Variants in TUT4 observed in about 807,000 individuals in gnomAD.
TUT4 encodes the protein terminal uridylyl transferase 4.
Under a neutral mutation model 192.2 loss-of-function variants are expected in TUT4, and 36 were observed. The ratio of observed to expected loss-of-function variants is 0.19; its 90% CI spans 0.14 to 0.25. The LOEUF is 0.25. Ranked by LOEUF, TUT4 falls within the 10% of genes least tolerant of loss-of-function variation. TUT4 has a pLI of 1.00. For missense variants in TUT4, 1,493 were observed against 1,957.2 expected, an observed-to-expected ratio of 0.76 and a Z score of 4.47; for synonymous variants, 618 against 666.0, an observed-to-expected ratio of 0.93 and a Z score of 1.11.
At chr1:52,494,597 C>T (rs1197131580) in intron 6 of TUT4, among the ~76,000 whole-genome samples, 6 of 152,166 alleles carry the variant, frequency 3.9e-5, no homozygotes, top group African/African-American at 1.4e-4. Flanking sequence ...GAGGCTGAGA[C>T]AGGAGAATCG....
intron 15 of TUT4, among the ~76,000 whole-genome samples, chr1:52,466,997 T>C (rs965208149): frequency 4.0e-5 from 6 of 151,828 alleles, no homozygotes; most frequent in African/African-American, 1.5e-4. Flanking sequence ...AAAAATAAAT[T>C]AGCTAAGCAT....
At chr1:52,435,312 A>ATT (rs1440777952) in intron 27 of TUT4, 53 bp downstream of exon 27, 1 of 1,431,406 alleles carries the variant, frequency 7.0e-7, no homozygotes, top group African/African-American at 1.4e-5. Context: ...TCACCCATTA[A>ATT]AGATACTGCT....
intron 2 of TUT4, among the ~76,000 whole-genome samples, chr1:52,522,065 G>A (rs1033567011): frequency 1.5e-5 from 2 of 132,902 alleles, no homozygotes; most frequent in African/African-American, 7.7e-5. Context: ...TATTAATTTG[G>A]ATGTTTTCAT....
In TUT4 at chr1:52,537,158, C is replaced by T. The variant is rs1442997256; in HGVS notation, c.-93-10785G>A. ...AGCCTGGGCAATAATAGTGAAACTC[C>T]ATCTCAAAATAAATAAATAAATAAA... On this transcript the variant is annotated intron_variant, in intron 1 of 29. Coordinates refer to ENST00000257177, the MANE Select transcript of TUT4 (RefSeq NM_001009881.3). Among the ~76,000 whole-genome samples the T allele has an allele frequency of 2.0e-5, 3 of 151,934 alleles. No individual in the cohort carries two copies. The East Asian group carries it at 5.8e-4, about 29-fold the overall frequency.
At chr1:52,429,602 A>AC (rs1553154514) in intron 28 of TUT4, among the ~76,000 whole-genome samples, 1 of 147,040 alleles carries the variant, frequency 6.8e-6, no homozygotes, top group Non-Finnish European at 1.5e-5. Context: ...TTATTTATTT[A>AC]TTTTTTTTTG....
Position 52,425,489 on chromosome 1 carries a change from A to G in TUT4, c.4730T>C (p.Leu1577Pro). Residue 1577 changes from leucine (L) to proline (P), a missense_variant, in exon 29 of 30, where the codon CTG (leucine) becomes CCG (proline). By Grantham distance (98) the Leu-to-Pro change is moderately conservative. Coordinates refer to ENST00000257177, the MANE Select transcript of TUT4 (RefSeq NM_001009881.3). ...ATGTTCCCAAGGAATTGGAGGAGTC[A>G]GTCCTCGAAAGCCTGGCTCTGCATT... ...VGNSEPGFRG[L>P]TPPIPWEHAP... The G allele has an allele frequency of 6.2e-7, 1 of 1,612,286 alleles. No homozygotes were observed. The highest frequency in any genetic ancestry group is 8.5e-7 in the Non-Finnish European group (1 of 1,179,270).
At chr1:52,467,615 C>G (rs967147794) in intron 15 of TUT4, among the ~76,000 whole-genome samples, 1 of 152,146 alleles carries the variant, frequency 6.6e-6, no homozygotes, top group African/African-American at 2.4e-5. Flanking sequence ...AACTAAAAAT[C>G]CTCTAAAAGA....
chr1:52,514,449 AAAC>A (rs1237961571), intron 3 of TUT4, among the ~76,000 whole-genome samples: 4 of 152,186 alleles, frequency 2.6e-5, no homozygotes, highest in Non-Finnish European at 5.9e-5. Flanking sequence ...TCAAAAAACA[AAAC>A]AAAACAAAAA....
intron 4 of TUT4, among the ~76,000 whole-genome samples, chr1:52,505,307 A>G (rs1675230791): frequency 6.6e-6 from 1 of 151,544 alleles, no homozygotes; most frequent in Non-Finnish European, 1.5e-5. Context: ...GCCCAGGCTG[A>G]TCTCAAACTC....
intron 16 of TUT4, chr1:52,462,218 C>T (rs1358398090): frequency 7.6e-6 from 1 of 131,360 alleles, no homozygotes; most frequent in Non-Finnish European, 1.5e-5. Flanking sequence ...CGGAGTCTTG[C>T]TCTTTCGCCC....
At chr1:52,426,413 G>A (rs1649955310) in intron 28 of TUT4, among the ~76,000 whole-genome samples, 1 of 152,204 alleles carries the variant, frequency 6.6e-6, no homozygotes, top group South Asian at 2.1e-4. Context: ...TCGAAGTGCA[G>A]TACCCAGTTT....
intron 2 of TUT4, among the ~76,000 whole-genome samples, chr1:52,524,931 T>C (rs959800120): frequency 6.6e-6 from 1 of 152,226 alleles, no homozygotes; most frequent in South Asian, 2.1e-4. Flanking sequence ...TCTTTTGCCG[T>C]TCTCAACCTC....
chr1:52,465,014 A>G, intron 16 of TUT4, 56 bp downstream of exon 16: 1 of 1,363,172 alleles, frequency 7.3e-7, no homozygotes, highest in Non-Finnish European at 1.0e-6. Flanking sequence ...AAAAATAAAC[A>G]TAGAATCGTC....
At chr1:52,513,651 T>C (rs1338146367) in intron 3 of TUT4, among the ~76,000 whole-genome samples, 3 of 152,196 alleles carry the variant, frequency 2.0e-5, no homozygotes, top group Admixed American at 1.3e-4. Context: ...CAGGCCATTT[T>C]TCCTACTACC....
chr1:52,474,787 C>T, intron 13 of TUT4, 45 bp downstream of exon 13: 1 of 1,488,796 alleles, frequency 6.7e-7, no homozygotes, highest in Non-Finnish European at 9.0e-7. Context: ...CATAGTCATA[C>T]AACAACCACA....
chr1:52,505,005 A>G (rs1195867718), intron 4 of TUT4, among the ~76,000 whole-genome samples: 1 of 152,220 alleles, frequency 6.6e-6, no homozygotes, highest in Non-Finnish European at 1.5e-5. Flanking sequence ...TTGCTTCCAC[A>G]TACTAGCTAT....
At chr1:52,445,009 G>GTA (rs1282709474) in intron 24 of TUT4, among the ~76,000 whole-genome samples, 1 of 140,676 alleles carries the variant, frequency 7.1e-6, no homozygotes, top group African/African-American at 3.0e-5. Flanking sequence ...ATGTATGTGT[G>GTA]TATATATATG....
chr1:52,463,540 T>C (rs887587250), intron 16 of TUT4: 2 of 1,175,510 alleles, frequency 1.7e-6, no homozygotes, highest in South Asian at 1.7e-5. Flanking sequence ...TTTTATAATG[T>C]AACAGAGGCG....
chr1:52,487,408 C>A (rs1305752163), intron 9 of TUT4, among the ~76,000 whole-genome samples: 1 of 151,938 alleles, frequency 6.6e-6, no homozygotes, highest in East Asian at 1.9e-4. Context: ...GCCGTGATCG[C>A]TCACTCCAGC....
Sources: gnomAD v4.1 joint callset for allele counts (sites outside exome capture counted in the v4.1 genomes callset) on GRCh38, gnomAD v4.1.1 for gene constraint, MANE v1.5 for transcripts, NCBI Gene and HGNC (gene_info 2026-07-23, HGNC 2026-07-21) for gene names.